OASL: variants seen among roughly 807,000 people sequenced by gnomAD.
The protein encoded by OASL is 2'-5'-oligoadenylate synthase-like protein.
In OASL, 28 loss-of-function variants were observed where a neutral mutation model predicts 35.3. The observed-to-expected ratio is 0.79, with a 90% CI of 0.59 to 1.09. The LOEUF (loss-of-function observed/expected upper bound fraction) is 1.09. Among genes scored for constraint, OASL ranks in the 50% least tolerant of loss-of-function variants. The pLI, the probability that OASL is intolerant of heterozygous loss-of-function variation, is 0.00. For missense variants in OASL, 620 were observed against 635.2 expected, an observed-to-expected ratio of 0.98 and a Z score of 0.26; for synonymous variants, 252 against 254.6, an observed-to-expected ratio of 0.99 and a Z score of 0.10.
chr12:121,021,083 G>A (rs1385879082), intron 5 of OASL, 25 bp from the exon 6 acceptor site: 1 of 1,533,070 alleles, frequency 6.5e-7, no homozygotes, highest in Admixed American at 2.1e-5. Context: ...GAGAAGGAGA[G>A]GTGTTAAGTC....
intron 5 of OASL, among the ~76,000 whole-genome samples, chr12:121,023,280 T>C (rs1385759183): frequency 2.2e-5 from 2 of 90,716 alleles, no homozygotes; most frequent in African/African-American, 6.2e-5. Flanking sequence ...TGGTGTCTTT[T>C]TTTTTTCTTT....
exon 2 of OASL, chr12:121,033,591 G>T (rs754861811): frequency 1.9e-6 from 3 of 1,614,088 alleles, no homozygotes; most frequent in Non-Finnish European, 1.7e-6. Context: ...GGTCCAGCAG[G>T]TCCTGGCTTT....
exon 2 of OASL, chr12:121,033,610 G>T: frequency 6.2e-7 from 1 of 1,614,160 alleles, no homozygotes; most frequent in Non-Finnish European, 8.5e-7. Context: ...TTGCCACATG[G>T]TTTTCCATAT....
chr12:121,035,540 C>CAAAACAAAACAACA (rs1555216047), intron 1 of OASL, among the ~76,000 whole-genome samples: 4 of 42,978 alleles, frequency 9.3e-5, no homozygotes, highest in African/African-American at 3.2e-4. Flanking sequence ...AACAAAACAA[C>CAAAACAAAACAACA]AAAAAAAAAC....
At chr12:121,037,107 CCCT>C (rs1322449070) in intron 1 of OASL, among the ~76,000 whole-genome samples, 13 of 152,132 alleles carry the variant, frequency 8.5e-5, no homozygotes, top group Admixed American at 4.6e-4. Flanking sequence ...GCTTCTAGAT[CCCT>C]CTGTGAGTTG....
chr12:121,031,522 C>T (rs532428354), exon 3 of OASL: 32 of 1,614,062 alleles, frequency 2.0e-5, no homozygotes, highest in South Asian at 4.4e-5. Context: ...CTCTGCAGCT[C>T]GCTGAAGGAT....
At chr12:121,035,495 A>G (rs971759193) in intron 1 of OASL, among the ~76,000 whole-genome samples, 10 of 150,558 alleles carry the variant, frequency 6.6e-5, no homozygotes, top group African/African-American at 2.5e-4. Flanking sequence ...ACTACACTCC[A>G]GCCTGGGCGA....
intron 5 of OASL, among the ~76,000 whole-genome samples, chr12:121,022,085 CTTTTTT>C (rs66924657): frequency 1.9e-5 from 2 of 108,070 alleles, no homozygotes; most frequent in African/African-American, 3.5e-5. Flanking sequence ...AAGTTTTGTT[CTTTTTT>C]TTTTTTTTTT....
intron 5 of OASL, among the ~76,000 whole-genome samples, chr12:121,022,123 T>C (rs1869266863): frequency 6.9e-6 from 1 of 144,258 alleles, no homozygotes; most frequent in Non-Finnish European, 1.5e-5. Context: ...AATCTCACTC[T>C]GTTGCCAGGC....
chr12:121,036,628 G>A (rs115572052), intron 1 of OASL, among the ~76,000 whole-genome samples: 1,885 of 152,108 alleles, frequency 0.012, 43 homozygotes, highest in African/African-American at 0.043. Context: ...TACTAAAAAT[G>A]CAAAGATTAG....
At chr12:121,024,703 T>G (rs538976048) in intron 4 of OASL, among the ~76,000 whole-genome samples, 1 of 152,174 alleles carries the variant, frequency 6.6e-6, no homozygotes, top group South Asian at 2.1e-4. Flanking sequence ...AGAGGCATGC[T>G]GGAGTAATAA....
intron 4 of OASL, 22 bp from the exon 5 acceptor site, chr12:121,024,159 C>A (rs1289712221): frequency 6.2e-7 from 1 of 1,610,598 alleles, no homozygotes; most frequent in Admixed American, 1.7e-5. Flanking sequence ...GAAAAGGGTG[C>A]CCAGGCTCAT....
chr12:121,024,226 G>T, intron 4 of OASL, 89 bp from the exon 5 acceptor site: 1 of 1,431,740 alleles, frequency 7.0e-7, no homozygotes, highest in Admixed American at 2.1e-5. Flanking sequence ...ATTTCGTCCA[G>T]CCACTGAGAA....
At chr12:121,025,482 G>C (rs1869441507) in intron 4 of OASL, among the ~76,000 whole-genome samples, 1 of 152,094 alleles carries the variant, frequency 6.6e-6, no homozygotes, top group Non-Finnish European at 1.5e-5. Context: ...CCAGCTCTTT[G>C]AGTGGGGCGC....
At chr12:121,018,190 G>A (rs1031194882), downstream of OASL, among the ~76,000 whole-genome samples, 3 of 152,172 alleles carry the variant, frequency 2.0e-5, no homozygotes, top group Non-Finnish European at 4.4e-5. Flanking sequence ...CCCCAAGAGC[G>A]TGGCCAACAG....
chr12:121,021,192 A>T, intron 5 of OASL, 134 bp from the exon 6 acceptor site: 1 of 868,592 alleles, frequency 1.2e-6, no homozygotes, highest in Non-Finnish European at 1.7e-6. Flanking sequence ...AGGGAGTGGT[A>T]AGCACTTTCC....
intron 1 of OASL, among the ~76,000 whole-genome samples, chr12:121,035,552 C>T (rs138033298): frequency 9.0e-5 from 7 of 77,786 alleles, no homozygotes; most frequent in Non-Finnish European, 2.0e-4. Flanking sequence ...AAAAAAAACG[C>T]CTTCACTTCC....
chr12:121,037,133 G>A (rs1434489844), intron 1 of OASL, among the ~76,000 whole-genome samples: 2 of 152,158 alleles, frequency 1.3e-5, no homozygotes, highest in Non-Finnish European at 2.9e-5. Context: ...TGCCCCTAGA[G>A]AGAGAACTTG....
intron 1 of OASL, among the ~76,000 whole-genome samples, chr12:121,038,537 T>C (rs1006547569): frequency 1.3e-5 from 2 of 152,156 alleles, no homozygotes; most frequent in African/African-American, 2.4e-5. Context: ...GAATTAGAGA[T>C]AGTGTATGTT....
Sources: gnomAD v4.1 joint callset for allele counts (sites outside exome capture counted in the v4.1 genomes callset) on GRCh38, gnomAD v4.1.1 for gene constraint, MANE v1.5 for transcripts, NCBI Gene and HGNC (gene_info 2026-07-23, HGNC 2026-07-21) for gene names.